Variants in DROSHA observed in about 807,000 individuals in gnomAD.
DROSHA encodes drosha ribonuclease III.
DROSHA carries 56 observed loss-of-function variants against 181.9 expected under a neutral mutation model. The observed-to-expected ratio is 0.31, with a 90% CI of 0.25 to 0.38. DROSHA has a LOEUF of 0.38. DROSHA is among the 10% of genes least tolerant of loss of function. The pLI, the probability that DROSHA is intolerant of heterozygous loss-of-function variation, is 1.00. For missense variants in DROSHA, 1,218 were observed against 1,743.5 expected (o/e 0.70, Z 5.37); for synonymous variants, 524 against 591.2 (o/e 0.89, Z 1.65).
intron 10 of DROSHA, among the ~76,000 whole-genome samples, chr5:31,507,485 A>C (rs1178692846): frequency 6.6e-5 from 10 of 150,874 alleles, no homozygotes; most frequent in Non-Finnish European, 3.0e-5. Flanking sequence ...CTAGCCAGGC[A>C]TAGTGGGACG....
intron 11 of DROSHA, 126 bp from the exon 12 acceptor site, chr5:31,495,498 T>C: frequency 1.2e-6 from 1 of 865,272 alleles, no homozygotes; most frequent in Non-Finnish European, 1.7e-6. Flanking sequence ...CACAGACTGG[T>C]AGGAAAGAAC....
In DROSHA at chr5:31,447,471, G is replaced by A. The variant is rs1465958079; in HGVS notation, c.2882+1076C>T. Among the ~76,000 whole-genome samples the A allele has an allele frequency of 2.6e-5, 4 of 152,120 alleles. No individual in the cohort carries two copies. The South Asian group carries it at 8.3e-4, about 32-fold the overall frequency. ...CTGACTTATTTGCAGAAATTGACAA[G>A]CTAATCCAAAAATTCGTGTGGAAAT... On this transcript the variant is annotated intron_variant, in intron 23 of 35. Transcript: ENST00000344624.
intron 20 of DROSHA, among the ~76,000 whole-genome samples, chr5:31,453,267 C>T (rs1747245573): frequency 6.6e-6 from 1 of 152,216 alleles, no homozygotes; most frequent in Non-Finnish European, 1.5e-5. Flanking sequence ...ACAATCACAA[C>T]TCACTGCAGC....
chr5:31,433,593 G>A (rs1265981611), intron 25 of DROSHA, among the ~76,000 whole-genome samples: 1 of 152,040 alleles, frequency 6.6e-6, no homozygotes, highest in Non-Finnish European at 1.5e-5. Flanking sequence ...TGCCCAGGCT[G>A]GAGTGCAGTG....
At chr5:31,407,323 G>GCCTAAAACAATAAATATTACC (rs1422788318) in intron 33 of DROSHA, among the ~76,000 whole-genome samples, 2 of 152,134 alleles carry the variant, frequency 1.3e-5, no homozygotes, top group Admixed American at 1.3e-4. Flanking sequence ...GCTAATCACA[G>GCCTAAAACAATAAATATTACC]CCTAAAACAA....
rs770561672 is a variant in DROSHA, at chr5:31,495,366, T to C, written c.1675A>G (p.Lys559Glu). The change falls in exon 12 of 36, where the codon AAG becomes GAG. Residue 559 changes from lysine (K) to glutamate (E), a missense_variant. Physicochemically the swap from Lys to Glu is moderately conservative, Grantham distance 56. Around this residue, in one of 8 missense-constraint regions of DROSHA, gnomAD observed 460 missense variants for 774.2 expected, o/e 0.59. Transcript: ENST00000344624. Reference sequence around the variant, plus strand: ...TTGTTGGTCATAGGACGACAGGGCTTGATGGCCTGAGGGGAAAAAAACGAA... The same window carrying C: ...TTGTTGGTCATAGGACGACAGGGCTCGATGGCCTGAGGGGAAAAAAACGAA... ...HSIYPGEEAI[K>E]PCRPMTNNAG... The C allele has an allele frequency of 6.2e-7, 1 of 1,613,452 alleles. No homozygotes were observed. The highest frequency in any genetic ancestry group is 8.5e-7 in the Non-Finnish European group (1 of 1,179,700).
intron 30 of DROSHA, among the ~76,000 whole-genome samples, chr5:31,416,717 T>C (rs1580005372): frequency 6.6e-6 from 1 of 151,994 alleles, no homozygotes; most frequent in African/African-American, 2.4e-5. Context: ...CCTGGAGAAA[T>C]GCAAATAGCA....
intron 11 of DROSHA, 61 bp from the exon 12 acceptor site, chr5:31,495,433 T>C: frequency 6.9e-7 from 1 of 1,446,060 alleles, no homozygotes; most frequent in South Asian, 1.2e-5. Flanking sequence ...TACTTAAAAA[T>C]ATATTGTATT....
chr5:31,431,366 C>CAAAAAAAAAAAAAAAAAAA (rs58316191), intron 26 of DROSHA, among the ~76,000 whole-genome samples: 1 of 57,648 alleles, frequency 1.7e-5, no homozygotes, highest in Non-Finnish European at 3.2e-5. Flanking sequence ...CAGTAGAATG[C>CAAAAAAAAAAAAAAAAAAA]AAAAAAAAAA....
intron 3 of DROSHA, among the ~76,000 whole-genome samples, chr5:31,529,746 A>C (rs1741045095): frequency 6.6e-6 from 1 of 150,520 alleles, no homozygotes; most frequent in Non-Finnish European, 1.5e-5. Context: ...AAAAAAAAAA[A>C]ACAAAAAAAA....
chr5:31,511,660 A>T (rs957361852), intron 8 of DROSHA, among the ~76,000 whole-genome samples: 1 of 151,748 alleles, frequency 6.6e-6, no homozygotes, highest in African/African-American at 2.4e-5. Context: ...TGACTGTGCC[A>T]CTATACTCTA....
At chr5:31,497,775 G>T (rs1753162719) in intron 11 of DROSHA, among the ~76,000 whole-genome samples, 1 of 152,184 alleles carries the variant, frequency 6.6e-6, no homozygotes, top group Admixed American at 6.5e-5. Context: ...GTTTTGAGTG[G>T]ACCTAATTAA....
chr5:31,416,784 C>T (rs1021639907), intron 30 of DROSHA, among the ~76,000 whole-genome samples: 1 of 152,128 alleles, frequency 6.6e-6, no homozygotes, highest in African/African-American at 2.4e-5. Context: ...GCTGGGCAGG[C>T]GGGCAAGGCC....
chr5:31,512,072 A>T, intron 8 of DROSHA, among the ~76,000 whole-genome samples: 1 of 152,150 alleles, frequency 6.6e-6, no homozygotes, highest in Non-Finnish European at 1.5e-5. Flanking sequence ...ACTTTTCCTC[A>T]CTCAATTTCC....
Position 31,526,791 on chromosome 5 carries a change from G to T in DROSHA, c.142C>A (p.Pro48Thr). The change falls in exon 5 of 36, where the codon CCT becomes ACT. Residue 48 changes from proline (P) to threonine (T), a missense_variant. Pro to Thr is a conservative substitution (Grantham distance 38). Transcript: ENST00000344624. ...NLRLLHPQQP[P>T]VQYQYEPPSA... The stretch of plus-strand genomic sequence containing the variant: ...GGAGGTTCATATTGATATTGCACAG[G>T]AGGCTGCTGAGGGTGAAGCAGCCTC... 6.2e-7 allele frequency: 1 copy of T among 1,609,370 alleles called. No homozygotes were observed. The highest frequency in any genetic ancestry group is 8.5e-7 in the Non-Finnish European group (1 of 1,178,716).
In DROSHA at chr5:31,449,299, T is replaced by C. The variant is rs764880804; in HGVS notation, c.2803A>G (p.Met935Val). ...GACATACCTTTCTTCCGCATGTGCA[T>C]GTGATGAACTTTTCTGTCTCCGTAT... ...PKYGDRKVHH[M>V]HMRKKGINTL... The change falls in exon 22 of 36, where the codon ATG becomes GTG. Residue 935 changes from methionine to valine, a missense_variant. This residue lies in a region of DROSHA where 460 missense variants were observed against 774.2 expected (regional missense o/e 0.59). Transcript: ENST00000344624. 5.6e-6 allele frequency: 9 copies of C among 1,613,794 alleles called. No homozygotes were observed. Among genetic ancestry groups the C allele is most frequent in the East Asian group, 2.2e-5 (1 of 44,890 alleles).
At chr5:31,464,807 T>TA (rs1201855648) in intron 19 of DROSHA, among the ~76,000 whole-genome samples, 1 of 151,986 alleles carries the variant, frequency 6.6e-6, no homozygotes, top group African/African-American at 2.4e-5. Flanking sequence ...ATACTTTATA[T>TA]AAAAAAAGAC....
chr5:31,472,138 C>G lies in DROSHA; in HGVS notation c.2166G>C (p.Met722Ile). Residue 722 changes from methionine to isoleucine, a missense_variant, in exon 17 of 36, where the codon ATG (methionine) becomes ATC (isoleucine). Met to Ile is a conservative substitution (Grantham distance 10). Transcript: ENST00000344624. ...ALVPEEEIAN[M>I]LQWEELEWQK... Reference sequence around the variant, plus strand: ...GCCACTCCAGCTCCTCCCACTGAAGCATATTGGCAATCTCCTCCTCAGGCA... The same window carrying G: ...GCCACTCCAGCTCCTCCCACTGAAGGATATTGGCAATCTCCTCCTCAGGCA... 6.2e-7 allele frequency: 1 copy of G among 1,613,928 alleles called. No homozygotes were observed. The highest frequency in any genetic ancestry group is 1.3e-5 in the African/African-American group (1 of 75,034).
intron 31 of DROSHA, among the ~76,000 whole-genome samples, chr5:31,410,387 T>C (rs1170341532): frequency 2.0e-5 from 3 of 152,186 alleles, no homozygotes; most frequent in Non-Finnish European, 2.9e-5. Context: ...ATTACCCTTC[T>C]TTCTTCTGTG....
Sources: gnomAD v4.1 joint callset for allele counts (sites outside exome capture counted in the v4.1 genomes callset) on GRCh38, gnomAD v4.1.1 for gene constraint, gnomAD v4.1.1 regional missense constraint, MANE v1.5 for transcripts, NCBI Gene and HGNC (gene_info 2026-07-23, HGNC 2026-07-21) for gene names.